The following EXOC4 variants were observed in gnomAD, a reference collection of about 807,000 sequenced individuals.
EXOC4 encodes exocyst complex component 4, also known as SEC8-like 1.
A neutral mutation model predicts 107.2 loss-of-function variants in EXOC4; 71 were observed. The observed-to-expected ratio is 0.66, with a 90% CI of 0.55 to 0.81. EXOC4 has a LOEUF of 0.81. Among genes scored for constraint, EXOC4 ranks in the 30% least tolerant of loss-of-function variants. The pLI, the probability that EXOC4 is intolerant of heterozygous loss-of-function variation, is 0.00. For missense variants in EXOC4, 1,108 were observed against 1,189.6 expected (o/e 0.93, Z 1.01); for synonymous variants, 456 against 441.2 (o/e 1.03, Z -0.42).
intron 17 of EXOC4, among the ~76,000 whole-genome samples, chr7:134,037,431 C>G (rs949958148): frequency 2.6e-5 from 4 of 152,108 alleles, no homozygotes; most frequent in Non-Finnish European, 5.9e-5. Flanking sequence ...GATTATAATT[C>G]AATAATAATT....
intron 10 of EXOC4, among the ~76,000 whole-genome samples, chr7:133,671,496 G>A (rs1385462641): frequency 6.6e-6 from 1 of 152,182 alleles, no homozygotes; most frequent in Non-Finnish European, 1.5e-5. Flanking sequence ...GAACGGGGGA[G>A]TCAGAGGTTG....
chr7:133,984,666 T>C (rs1323752364), intron 14 of EXOC4, among the ~76,000 whole-genome samples: 2 of 152,170 alleles, frequency 1.3e-5, no homozygotes, highest in Non-Finnish European at 2.9e-5. Context: ...GATCTCACAA[T>C]CCACTAGGAA....
intron 9 of EXOC4, among the ~76,000 whole-genome samples, chr7:133,566,854 A>G (rs1800915996): frequency 6.6e-6 from 1 of 152,220 alleles, no homozygotes. Context: ...AAGTTGTTGT[A>G]TCAGAAGATT....
At position 133,356,449 on chromosome 7, in the gene EXOC4, A is replaced by G. The variant is rs931505556; in HGVS notation, c.883A>G (p.Thr295Ala). The G allele has an allele frequency of 1.1e-5, 17 of 1,614,034 alleles. No homozygotes were observed. In the African/African-American group the frequency reaches 2.1e-4, roughly 20 times the overall value. The change falls in exon 6 of 18, where the codon ACA becomes GCA. Residue 295 changes from threonine (T) to alanine (A), a missense_variant. Coordinates refer to ENST00000253861, the MANE Select transcript of EXOC4 (RefSeq NM_021807.4). ...GGCGAAACTGAAGAAGATCCCAGAA[A>G]CAGTTAAGGCAATCATAGAGCGCTT... ...GLAKLKKIPE[T>A]VKAIIERLEQ...
intron 10 of EXOC4, among the ~76,000 whole-genome samples, chr7:133,735,219 C>CAAAAAAAAAAAAAAA (rs56769096): frequency 3.0e-5 from 1 of 33,494 alleles, no homozygotes; most frequent in Non-Finnish European, 4.8e-5. Flanking sequence ...GACTCTGTCT[C>CAAAAAAAAAAAAAAA]AAAAAAAAAA....
chr7:134,027,670 A>AG, intron 17 of EXOC4, among the ~76,000 whole-genome samples: 1 of 151,426 alleles, frequency 6.6e-6, no homozygotes, highest in Admixed American at 6.6e-5. Flanking sequence ...AAAAAAAAAA[A>AG]AAGGAATTGG....
At chr7:133,453,130 T>C (rs1798385091) in intron 7 of EXOC4, among the ~76,000 whole-genome samples, 1 of 152,218 alleles carries the variant, frequency 6.6e-6, no homozygotes, top group Admixed American at 6.5e-5. Context: ...TGTGAGAATA[T>C]AAAAATCGCT....
chr7:134,091,240 G>A, the EXOC4 span, among the ~76,000 whole-genome samples: 357 of 152,304 alleles, frequency 2.3e-3, 1 homozygote, highest in African/African-American at 8.2e-3. Context: ...CAGCCACAAG[G>A]GCTGCTGGTT....
At chr7:134,001,756 C>T (rs1794535711) in intron 15 of EXOC4, among the ~76,000 whole-genome samples, 1 of 152,202 alleles carries the variant, frequency 6.6e-6, no homozygotes, top group African/African-American at 2.4e-5. Flanking sequence ...TGATTCCCTA[C>T]ATGGCCTTCA....
At chr7:133,581,630 C>T (rs1235141080) in intron 9 of EXOC4, among the ~76,000 whole-genome samples, 2 of 151,152 alleles carry the variant, frequency 1.3e-5, no homozygotes, top group Admixed American at 6.6e-5. Flanking sequence ...TGGTGGTGGG[C>T]GCCTGTAATC....
intron 10 of EXOC4, among the ~76,000 whole-genome samples, chr7:133,811,496 TAAAG>T (rs367957593): frequency 2.6e-5 from 4 of 152,262 alleles, no homozygotes; most frequent in African/African-American, 9.6e-5. Context: ...GAAAATAAAA[TAAAG>T]ACTCACCAAA....
rs57983951 is a variant in EXOC4 at position 133,347,244 on chromosome 7, C to CTTT, written c.764-9073_764-9071dup. Among the ~76,000 whole-genome samples, 504 of 139,476 alleles carry CTTT rather than the reference C, an allele frequency of 3.6e-3. 4 individuals carry two copies. The highest frequency in any genetic ancestry group is 4.6e-3 in the Non-Finnish European group (296 of 64,600). 91.5% of individuals were successfully genotyped at this position (139,476 alleles called of 152,430 possible). On this transcript the variant is annotated intron_variant, in intron 5 of 17. Coordinates refer to ENST00000253861, the MANE Select transcript of EXOC4 (RefSeq NM_021807.4). ...CAAGGATATATAGACGTAAACTATA[C>CTTT]TTTTTTTTTTTTTTTGTGAGGCAGA...
chr7:134,027,656 C>CAA (rs11408269), intron 17 of EXOC4, among the ~76,000 whole-genome samples: 1,660 of 124,456 alleles, frequency 0.013, 50 homozygotes, highest in East Asian at 0.051. Context: ...GACTCCATCT[C>CAA]AAAAAAAAAA....
At chr7:133,507,201 AT>A (rs1280625985) in intron 9 of EXOC4, among the ~76,000 whole-genome samples, 1 of 152,126 alleles carries the variant, frequency 6.6e-6, no homozygotes, top group African/African-American at 2.4e-5. Context: ...CTTAAAAAAA[AT>A]AAATGTGTTA....
chr7:133,860,693 TC>T (rs1243739063), intron 11 of EXOC4, among the ~76,000 whole-genome samples: 3 of 152,190 alleles, frequency 2.0e-5, no homozygotes, highest in Non-Finnish European at 4.4e-5. Context: ...TACTTCTTTT[TC>T]CTCTTTACTT....
chr7:133,402,881 ATTTTTTTTT>A (rs956173651), intron 7 of EXOC4, among the ~76,000 whole-genome samples: 1 of 114,940 alleles, frequency 8.7e-6, no homozygotes. Flanking sequence ...AGAGCCTAAT[ATTTTTTTTT>A]TTTTTTTTTT....
At chr7:133,623,455 G>C (rs188889555) in intron 9 of EXOC4, among the ~76,000 whole-genome samples, 1 of 152,028 alleles carries the variant, frequency 6.6e-6, no homozygotes, top group Non-Finnish European at 1.5e-5. Flanking sequence ...ATTCTTTCTC[G>C]TTTTTTGTTT....
the EXOC4 span, among the ~76,000 whole-genome samples, chr7:134,089,808 T>C: frequency 3.3e-5 from 5 of 152,182 alleles, no homozygotes; most frequent in Non-Finnish European, 1.5e-5. Flanking sequence ...CTCTTTTCTT[T>C]ATAAACTTCT....
intron 5 of EXOC4, among the ~76,000 whole-genome samples, chr7:133,340,952 T>C (rs1231388944): frequency 6.6e-6 from 1 of 152,114 alleles, no homozygotes; most frequent in Non-Finnish European, 1.5e-5. Context: ...AAATTTTTTC[T>C]ATCTTTTCAA....
Sources: gnomAD v4.1 joint callset for allele counts (sites outside exome capture counted in the v4.1 genomes callset) on GRCh38, gnomAD v4.1.1 for gene constraint, MANE v1.5 for transcripts, NCBI Gene and HGNC (gene_info 2026-07-23, HGNC 2026-07-21) for gene names.